TMEM135: variants seen among roughly 807,000 people sequenced by gnomAD.
TMEM135 encodes the protein peroxisomal membrane protein 52.
Under a neutral mutation model 60.3 loss-of-function variants are expected in TMEM135, and 30 were observed. The ratio of observed to expected loss-of-function variants is 0.50; its 90% confidence interval spans 0.37 to 0.68. The LOEUF (loss-of-function observed/expected upper bound fraction) is 0.68, where lower values mean the gene tolerates loss of function less well. Ranked by LOEUF, TMEM135 falls within the 30% of genes least tolerant of loss-of-function variation. The pLI is 0.00. For missense variants in TMEM135, 468 were observed against 548.8 expected (o/e 0.85, Z 1.47); for synonymous variants, 190 against 186.7 (o/e 1.02, Z -0.14).
In TMEM135 at chr11:87,236,659, G is replaced by A; in HGVS notation, c.484G>A (p.Ala162Thr). ...ACAGGTCCTTTTGTTTTGCATCACA[G>A]CTGCCATGTACATGTTCTTTTTCAG... ...NGEVLLFCIT[A>T]AMYMFFFRCK... Residue 162 changes from alanine (A) to threonine (T), a missense_variant, in exon 6 of 15, where the codon GCT becomes ACT. By Grantham distance (58) the Ala-to-Thr change is moderately conservative. Coordinates refer to ENST00000305494, the MANE Select transcript of TMEM135 (RefSeq NM_022918.4). 2 of 1,612,244 alleles carry A rather than the reference G, an allele frequency of 1.2e-6. No individual in the cohort carries two copies. The highest frequency in any genetic ancestry group is 1.7e-6 in the Non-Finnish European group (2 of 1,178,890).
chr11:87,190,647 C>G (rs1479808241), intron 5 of TMEM135, among the ~76,000 whole-genome samples: 1 of 152,004 alleles, frequency 6.6e-6, no homozygotes, highest in Non-Finnish European at 1.5e-5. Flanking sequence ...AAGGAGATTC[C>G]TGAAGGCTAC....
chr11:87,144,816 T>C (rs900314637), intron 4 of TMEM135, among the ~76,000 whole-genome samples: 1 of 152,026 alleles, frequency 6.6e-6, no homozygotes. Context: ...TGGTTTTTCT[T>C]TTTTATTATA....
chr11:87,259,845 G>A (rs1229726380), intron 6 of TMEM135, among the ~76,000 whole-genome samples: 1 of 152,158 alleles, frequency 6.6e-6, no homozygotes, highest in African/African-American at 2.4e-5. Flanking sequence ...CTTCCCTAGA[G>A]GAAGGAAAAA....
intron 5 of TMEM135, among the ~76,000 whole-genome samples, chr11:87,192,399 C>CT (rs1361997830): frequency 1.3e-5 from 2 of 151,494 alleles, no homozygotes; most frequent in Non-Finnish European, 2.9e-5. Flanking sequence ...AAGATTGTTT[C>CT]TTTTTTTTGC....
intron 4 of TMEM135, chr11:87,121,345 C>T (rs1858051070): frequency 6.6e-6 from 1 of 152,038 alleles, no homozygotes; most frequent in Non-Finnish European, 1.5e-5. Flanking sequence ...ATAATCCTGT[C>T]ATAAATTCAG....
chr11:87,268,109 C>T (rs551149754), intron 6 of TMEM135, among the ~76,000 whole-genome samples: 54 of 150,748 alleles, frequency 3.6e-4, no homozygotes, highest in African/African-American at 1.2e-3. Flanking sequence ...CTTTTTTGCC[C>T]GGCCCTCCCC....
intron 10 of TMEM135, among the ~76,000 whole-genome samples, chr11:87,312,425 C>T (rs977647315): frequency 2.0e-5 from 3 of 151,740 alleles, no homozygotes; most frequent in South Asian, 4.1e-4. Context: ...TAACATTTAT[C>T]GTTTATCTTT....
At chr11:87,069,023 G>T (rs868486882) in intron 2 of TMEM135, among the ~76,000 whole-genome samples, 8 of 150,204 alleles carry the variant, frequency 5.3e-5, no homozygotes, top group African/African-American at 2.0e-4. Context: ...TTCTATGACG[G>T]CCGGGCGCGG....
intron 1 of TMEM135, among the ~76,000 whole-genome samples, chr11:87,042,287 C>T (rs141536417): frequency 1.3e-5 from 2 of 152,214 alleles, no homozygotes; most frequent in Non-Finnish European, 2.9e-5. Context: ...CTTGGCCTCT[C>T]TGAGCATTCC....
intron 6 of TMEM135, among the ~76,000 whole-genome samples, chr11:87,255,817 G>A (rs1235770040): frequency 6.6e-6 from 1 of 152,186 alleles, no homozygotes; most frequent in Admixed American, 6.5e-5. Flanking sequence ...ATGGTTGCTA[G>A]AAGCAGTGAG....
At chr11:87,250,886 A>G (rs1215408754) in intron 6 of TMEM135, among the ~76,000 whole-genome samples, 1 of 152,172 alleles carries the variant, frequency 6.6e-6, no homozygotes, top group Non-Finnish European at 1.5e-5. Flanking sequence ...TGGAGGGAGT[A>G]TATCACAGGT....
intron 4 of TMEM135, among the ~76,000 whole-genome samples, chr11:87,149,252 GCAA>G (rs1020216950): frequency 6.6e-6 from 1 of 152,044 alleles, no homozygotes; most frequent in Non-Finnish European, 1.5e-5. Context: ...GTGTGGATTT[GCAA>G]CAACAAAGAT....
intron 5 of TMEM135, among the ~76,000 whole-genome samples, chr11:87,163,487 G>A (rs1323821811): frequency 2.6e-5 from 4 of 151,444 alleles, no homozygotes; most frequent in East Asian, 2.0e-4. Flanking sequence ...GAATAATGCT[G>A]CAATAAACAT....
chr11:87,086,503 A>G (rs1178301425), intron 3 of TMEM135, among the ~76,000 whole-genome samples: 1 of 152,108 alleles, frequency 6.6e-6, no homozygotes, highest in Admixed American at 6.6e-5. Flanking sequence ...TAAGCGGTGG[A>G]ACAGCTCAGT....
rs1195494622 is a variant in TMEM135, at chr11:87,327,738, T to C, written c.*6405T>C. 2.2e-6 allele frequency: 1 copy of C among 454,022 alleles called. No individual in the cohort carries two copies. The highest frequency in any genetic ancestry group is 4.4e-6 in the Non-Finnish European group (1 of 226,762). 28.1% of individuals were successfully genotyped at this position (454,022 alleles called of 1,614,324 possible). ...GATGGTGTAATTCTCAGTCCAAGGC[T>C]GAATTTTCAAGTCTGAGAACCTGGG... On this transcript the variant is annotated 3_prime_UTR_variant, in exon 15 of 15. Transcript: ENST00000305494.
chr11:87,208,905 T>C (rs1940298925), intron 5 of TMEM135, among the ~76,000 whole-genome samples: 1 of 152,184 alleles, frequency 6.6e-6, no homozygotes, highest in Non-Finnish European at 1.5e-5. Flanking sequence ...GATAGGGGGC[T>C]TATTTTCAAT....
At chr11:87,171,089 A>G (rs1205603247) in intron 5 of TMEM135, among the ~76,000 whole-genome samples, 7 of 152,146 alleles carry the variant, frequency 4.6e-5, no homozygotes, top group Non-Finnish European at 4.4e-5. Context: ...AGGAGAAACA[A>G]TATGAAAAGG....
intron 8 of TMEM135, among the ~76,000 whole-genome samples, chr11:87,303,121 C>G (rs1315385757): frequency 6.6e-6 from 1 of 152,100 alleles, no homozygotes; most frequent in Non-Finnish European, 1.5e-5. Context: ...CAGTACTGGT[C>G]CGAGGCCTGT....
chr11:87,239,676 TTTATCCTA>T (rs779838928), intron 6 of TMEM135, among the ~76,000 whole-genome samples: 15 of 151,822 alleles, frequency 9.9e-5, no homozygotes, highest in Non-Finnish European at 2.1e-4. Flanking sequence ...AACTTGTGTT[TTTATCCTA>T]ATCTGTGAAT....
Sources: allele counts gnomAD v4.1 joint callset (sites outside exome capture counted in the v4.1 genomes callset), GRCh38; gene constraint gnomAD v4.1.1; transcripts MANE v1.5; gene names NCBI Gene and HGNC (gene_info 2026-07-23, HGNC 2026-07-21).